The following RBMS3 variants were observed in gnomAD, a reference collection of about 807,000 sequenced individuals.
RBMS3 encodes RNA binding motif single stranded interacting protein 3, also known as RNA-binding motif, single-stranded-interacting protein 3.
In RBMS3, 27 loss-of-function variants were observed where a neutral mutation model predicts 66.8. That is an observed-to-expected ratio of 0.40 (90% confidence interval 0.30 to 0.56). The LOEUF is 0.56. RBMS3 is among the 20% of genes least tolerant of loss of function. RBMS3 has a pLI of 0.40. For missense variants in RBMS3, 513 were observed against 549.5 expected (o/e 0.93, Z 0.66); for synonymous variants, 188 against 183.0 (o/e 1.03, Z -0.22).
At chr3:29,832,776 T>C (rs7613569) in intron 6 of RBMS3, among the ~76,000 whole-genome samples, 13,880 of 152,194 alleles carry the variant, frequency 0.091, 660 homozygotes, top group East Asian at 0.16. Context: ...ACAGACTCCC[T>C]GAGGAAGTCC....
chr3:29,775,870 A>G (rs1374103272), intron 6 of RBMS3, among the ~76,000 whole-genome samples: 2 of 152,036 alleles, frequency 1.3e-5, no homozygotes. Context: ...AAAGTCTCCT[A>G]TTGTAGAGTC....
At chr3:29,728,546 G>A (rs941498734) in intron 4 of RBMS3, among the ~76,000 whole-genome samples, 32 of 152,068 alleles carry the variant, frequency 2.1e-4, no homozygotes, top group Non-Finnish European at 3.8e-4. Context: ...AAGAAATGAA[G>A]GCAAGACAGT....
At chr3:29,651,494 G>A (rs180931666) in intron 4 of RBMS3, among the ~76,000 whole-genome samples, 6 of 152,204 alleles carry the variant, frequency 3.9e-5, no homozygotes, top group African/African-American at 1.4e-4. Flanking sequence ...CTTGTGGTTT[G>A]TACATGCATA....
intron 10 of RBMS3, among the ~76,000 whole-genome samples, chr3:29,924,294 C>A (rs2060872065): frequency 6.6e-6 from 1 of 152,174 alleles, no homozygotes; most frequent in Non-Finnish European, 1.5e-5. Flanking sequence ...AATTCCCTTG[C>A]AGGTGCTTTT....
At chr3:29,481,815 GTTA>G (rs936808360) in intron 2 of RBMS3, among the ~76,000 whole-genome samples, 1 of 152,172 alleles carries the variant, frequency 6.6e-6, no homozygotes, top group South Asian at 2.1e-4. Flanking sequence ...TAGTGTCTGA[GTTA>G]TTATTTTATG....
At chr3:29,634,657 C>T (rs1338376738) in intron 4 of RBMS3, among the ~76,000 whole-genome samples, 1 of 151,758 alleles carries the variant, frequency 6.6e-6, no homozygotes, top group African/African-American at 2.4e-5. Context: ...TGAATTATTC[C>T]CCCTTTCCCA....
At chr3:29,916,868 C>A (rs949653646) in intron 10 of RBMS3, among the ~76,000 whole-genome samples, 1 of 152,098 alleles carries the variant, frequency 6.6e-6, no homozygotes, top group Admixed American at 6.6e-5. Flanking sequence ...TTATAATTAT[C>A]ATGTAATTAA....
At chr3:29,935,428 A>G (rs2061241701) in intron 10 of RBMS3, among the ~76,000 whole-genome samples, 1 of 152,172 alleles carries the variant, frequency 6.6e-6, no homozygotes, top group East Asian at 1.9e-4. Flanking sequence ...GGATGGACAT[A>G]AAAATTTGAC....
chr3:29,523,040 A>C (rs1576106891), intron 3 of RBMS3, among the ~76,000 whole-genome samples: 1 of 152,212 alleles, frequency 6.6e-6, no homozygotes, highest in Admixed American at 6.5e-5. Context: ...ATCTTACAAG[A>C]GCCTTGTGAA....
At chr3:29,681,335 T>C (rs902351589) in intron 4 of RBMS3, among the ~76,000 whole-genome samples, 1 of 151,686 alleles carries the variant, frequency 6.6e-6, no homozygotes, top group East Asian at 2.0e-4. Context: ...TATAACTTTA[T>C]TTTTTTTTCT....
At chr3:29,778,005 G>A (rs1339678957) in intron 6 of RBMS3, among the ~76,000 whole-genome samples, 1 of 151,748 alleles carries the variant, frequency 6.6e-6, no homozygotes, top group African/African-American at 2.4e-5. Flanking sequence ...TTCTCTGATG[G>A]CTTAGTGAAG....
At chr3:29,849,554 AG>A (rs2058880418) in intron 6 of RBMS3, among the ~76,000 whole-genome samples, 1 of 151,716 alleles carries the variant, frequency 6.6e-6, no homozygotes, top group African/African-American at 2.4e-5. Flanking sequence ...GGCCAACTAA[AG>A]GTTTGTTTTT....
chr3:29,885,087 A>T (rs938366252), intron 8 of RBMS3, among the ~76,000 whole-genome samples: 2 of 151,914 alleles, frequency 1.3e-5, no homozygotes, highest in African/African-American at 2.4e-5. Context: ...TTCTTATATT[A>T]TTCATTCAGG....
chr3:29,298,759 T>C (rs2033464111), intron 1 of RBMS3, among the ~76,000 whole-genome samples: 1 of 151,976 alleles, frequency 6.6e-6, no homozygotes, highest in Non-Finnish European at 1.5e-5. Context: ...TCAGTGTTTG[T>C]GCAATGTTCA....
At chr3:29,927,048 T>C (rs1559807526) in intron 10 of RBMS3, 1 of 152,182 alleles carries the variant, frequency 6.6e-6, no homozygotes, top group African/African-American at 2.4e-5. Context: ...AATTCTTCCA[T>C]AGAATGGAAA....
intron 3 of RBMS3, among the ~76,000 whole-genome samples, chr3:29,571,125 C>A (rs1167238522): frequency 6.6e-6 from 1 of 150,596 alleles, no homozygotes; most frequent in Non-Finnish European, 1.5e-5. Context: ...TTGTATGTCA[C>A]CCTTGAAAAA....
Position 29,529,671 on chromosome 3 carries a change from G to C in RBMS3, c.307+41172G>C, listed in dbSNP as rs1488232458. Among the ~76,000 whole-genome samples, 3 of 152,138 alleles carry C rather than the reference G, an allele frequency of 2.0e-5. No individual in the cohort carries two copies. The East Asian group carries it at 5.8e-4, about 29-fold the overall frequency. On this transcript the variant is annotated intron_variant, in intron 3 of 14. Coordinates refer to ENST00000383767, the MANE Select transcript of RBMS3 (RefSeq NM_001003793.3). ...CCACTGGGAAATAGTAAAACAACAT[G>C]AGCACTATAGATGTGAGTGTTTTGG...
rs544657205 is a variant in RBMS3 at position 29,991,440 on chromosome 3, C to T, written c.1307+231C>T. ...TAGGAACAGCTGCTGATTATCTATG[C>T]ATCTCTGCTTCTGGGTGTTGCTAGC... On this transcript the variant is annotated intron_variant, in intron 14 of 14. Transcript: ENST00000383767. 287 of 559,162 alleles carry T rather than the reference C, an allele frequency of 5.1e-4. 2 individuals carry two copies. In the South Asian group the frequency reaches 6.3e-3, roughly 12 times the overall value. 34.6% of individuals were successfully genotyped at this position (559,162 alleles called of 1,614,324 possible). A position where few individuals can be genotyped will look rare whatever the true frequency, so the allele number is the denominator to read the frequency against.
chr3:29,955,381 CT>C (rs1325994104), intron 12 of RBMS3, among the ~76,000 whole-genome samples: 3 of 151,976 alleles, frequency 2.0e-5, no homozygotes, highest in Non-Finnish European at 4.4e-5. Context: ...ATTCCAAGTA[CT>C]TTTTAAGAAA....
Sources: allele counts gnomAD v4.1 joint callset (sites outside exome capture counted in the v4.1 genomes callset), GRCh38; gene constraint gnomAD v4.1.1; transcripts MANE v1.5; gene names NCBI Gene and HGNC (gene_info 2026-07-23, HGNC 2026-07-21).